KDM4C: variants seen among roughly 807,000 people sequenced by gnomAD.
KDM4C encodes lysine-specific demethylase 4C.
In KDM4C, 81 loss-of-function variants were observed where a neutral mutation model predicts 129.3. The observed-to-expected ratio is 0.63, with a 90% CI of 0.52 to 0.75. The LOEUF is 0.75. Ranked by LOEUF, KDM4C falls within the 30% of genes least tolerant of loss-of-function variation. The pLI is 0.00. For missense variants in KDM4C, 1,457 were observed against 1,304.0 expected (o/e 1.12, Z -1.81); for synonymous variants, 573 against 456.1 (o/e 1.26, Z -3.26).
chr9:6,815,873 GT>G (rs563229769), intron 4 of KDM4C, among the ~76,000 whole-genome samples: 1 of 152,122 alleles, frequency 6.6e-6, no homozygotes, highest in Non-Finnish European at 1.5e-5. Flanking sequence ...ATGTTTCTTT[GT>G]GTCTCTTTAT....
At chr9:6,770,629 TC>T (rs1252902979) in intron 1 of KDM4C, among the ~76,000 whole-genome samples, 1 of 151,738 alleles carries the variant, frequency 6.6e-6, no homozygotes, top group Non-Finnish European at 1.5e-5. Context: ...GCCATAATTC[TC>T]TAAAATAGTA....
intron 4 of KDM4C, among the ~76,000 whole-genome samples, chr9:6,819,337 A>G (rs1391612404): frequency 6.6e-6 from 1 of 152,236 alleles, no homozygotes; most frequent in Admixed American, 6.5e-5. Flanking sequence ...CTTCAAGGGA[A>G]CATTGACTTT....
intron 5 of KDM4C, among the ~76,000 whole-genome samples, chr9:6,877,396 T>C (rs1300145002): frequency 6.6e-6 from 1 of 152,110 alleles, no homozygotes; most frequent in East Asian, 1.9e-4. Context: ...GAAATGGGGT[T>C]TCACCTTGTT....
chr9:6,782,275 C>T (rs769880732), intron 1 of KDM4C, among the ~76,000 whole-genome samples: 7 of 152,066 alleles, frequency 4.6e-5, no homozygotes, highest in Non-Finnish European at 8.8e-5. Context: ...AGGGAGTCAA[C>T]GTGTAAGATA....
chr9:7,033,453 C>T (rs757057810), intron 15 of KDM4C, among the ~76,000 whole-genome samples: 20 of 152,170 alleles, frequency 1.3e-4, no homozygotes, highest in Admixed American at 1.1e-3. Flanking sequence ...TGAATTGCTG[C>T]AGACTTAAAC....
chr9:6,823,423 G>A lies in KDM4C; in HGVS notation c.435+8678G>A, dbSNP rs554574712. Among the ~76,000 whole-genome samples, 12 of 152,312 alleles carry A rather than the reference G, an allele frequency of 7.9e-5. 1 individual carries two copies. The South Asian group carries it at 2.3e-3, about 29-fold the overall frequency. The stretch of plus-strand genomic sequence containing the variant: ...TTCATAAAGACTGAGAATTTCCTGT[G>A]TGTGTAACCATCTTTGATGATAGTT... On this transcript the variant is annotated intron_variant, in intron 4 of 21. Coordinates refer to ENST00000381309, the MANE Select transcript of KDM4C (RefSeq NM_015061.6).
intron 8 of KDM4C, among the ~76,000 whole-genome samples, chr9:6,963,974 A>T (rs1830463439): frequency 6.6e-6 from 1 of 152,234 alleles, no homozygotes; most frequent in Non-Finnish European, 1.5e-5. Flanking sequence ...TTCATTTGCA[A>T]GCTGTTGGAG....
chr9:6,869,675 C>A (rs895977378), intron 5 of KDM4C, among the ~76,000 whole-genome samples: 5 of 152,202 alleles, frequency 3.3e-5, no homozygotes, highest in African/African-American at 1.2e-4. Context: ...ATACTCAAGC[C>A]TGGACCATCC....
At chr9:6,935,892 G>T (rs943101805) in intron 8 of KDM4C, among the ~76,000 whole-genome samples, 2 of 152,104 alleles carry the variant, frequency 1.3e-5, no homozygotes, top group Non-Finnish European at 2.9e-5. Flanking sequence ...TTTAGGGCTT[G>T]AATTTTTTGA....
chr9:6,986,450 C>A lies in KDM4C; in HGVS notation c.1461C>A (p.Ser487=), dbSNP rs759531093. ...CTATATCCAGTGAGGCTGATGATTC[C>A]ATTCCATTGTCTAGTGGCTATGAGA... The part of the protein sequence containing the change: ...VPSISSEADD[S]IPLSSGYEKP... The change falls in exon 11 of 22, where the codon TCC becomes TCA. Residue 487 remains serine, a synonymous_variant. Coordinates refer to ENST00000381309, the MANE Select transcript of KDM4C (RefSeq NM_015061.6). The A allele has an allele frequency of 6.2e-7, 1 of 1,614,074 alleles. No homozygotes were observed. Among genetic ancestry groups the A allele is most frequent in the Non-Finnish European group, 8.5e-7 (1 of 1,179,964 alleles).
chr9:6,950,813 C>G (rs922763764), intron 8 of KDM4C, among the ~76,000 whole-genome samples: 2 of 152,156 alleles, frequency 1.3e-5, no homozygotes, highest in African/African-American at 4.8e-5. Flanking sequence ...CATGGTTCAT[C>G]CGGTTCAGTA....
intron 15 of KDM4C, among the ~76,000 whole-genome samples, chr9:7,020,889 G>A (rs1824691436): frequency 6.7e-6 from 1 of 148,968 alleles, no homozygotes; most frequent in Admixed American, 6.8e-5. Flanking sequence ...TTGCTGTGTA[G>A]CAAATACTGT....
intron 4 of KDM4C, chr9:6,835,634 A>G (rs1448504652): frequency 5.0e-6 from 4 of 802,652 alleles, no homozygotes; most frequent in Non-Finnish European, 9.0e-6. Context: ...ACTTGTGCAG[A>G]AAACAAGATG....
At chr9:6,846,357 G>T (rs1475722035) in intron 4 of KDM4C, among the ~76,000 whole-genome samples, 4 of 152,168 alleles carry the variant, frequency 2.6e-5, no homozygotes, top group African/African-American at 7.2e-5. Context: ...AGATACAAGT[G>T]TGTATAGTGT....
intron 1 of KDM4C, among the ~76,000 whole-genome samples, chr9:6,774,586 A>G (rs1012373371): frequency 3.9e-5 from 6 of 152,136 alleles, no homozygotes; most frequent in Non-Finnish European, 8.8e-5. Context: ...AATCACTTGA[A>G]CCTGGGAGGT....
At chr9:7,130,464 T>A (rs1840498507) in intron 19 of KDM4C, among the ~76,000 whole-genome samples, 1 of 152,202 alleles carries the variant, frequency 6.6e-6, no homozygotes, top group Non-Finnish European at 1.5e-5. Flanking sequence ...CCAGAACAAA[T>A]ATGATTTTAA....
At chr9:6,854,156 G>A (rs929901081) in intron 5 of KDM4C, among the ~76,000 whole-genome samples, 4 of 152,078 alleles carry the variant, frequency 2.6e-5, no homozygotes, top group African/African-American at 9.7e-5. Flanking sequence ...TCTTGTGTGA[G>A]TGCTTAACTG....
chr9:6,960,397 A>G (rs1589325908), intron 8 of KDM4C, among the ~76,000 whole-genome samples: 1 of 150,254 alleles, frequency 6.7e-6, no homozygotes, highest in Non-Finnish European at 1.5e-5. Flanking sequence ...CTCTCTCCTC[A>G]GTCTCCTGAG....
At chr9:6,819,624 A>G (rs558556600) in intron 4 of KDM4C, among the ~76,000 whole-genome samples, 5 of 152,348 alleles carry the variant, frequency 3.3e-5, no homozygotes, top group East Asian at 3.9e-4. Flanking sequence ...AACAAAACCA[A>G]TCACACTCAA....
Sources: allele counts gnomAD v4.1 joint callset (sites outside exome capture counted in the v4.1 genomes callset), GRCh38; gene constraint gnomAD v4.1.1; transcripts MANE v1.5; gene names NCBI Gene and HGNC (gene_info 2026-07-23, HGNC 2026-07-21).